Variants in PPARGC1A observed in about 807,000 individuals in gnomAD.
PPARGC1A encodes the protein PPARG coactivator 1 alpha.
Under a neutral mutation model 88.7 loss-of-function variants are expected in PPARGC1A, and 25 were observed. The observed-to-expected ratio is 0.28, with a 90% confidence interval of 0.21 to 0.39. The LOEUF is 0.39. Ranked by LOEUF, PPARGC1A falls within the 10% of genes least tolerant of loss-of-function variation. PPARGC1A has a pLI of 1.00. For synonymous variants in PPARGC1A, 363 were observed against 355.6 expected (o/e 1.02, Z -0.24); for missense variants, 880 against 968.7 (o/e 0.91, Z 1.22).
intron 2 of PPARGC1A, among the ~76,000 whole-genome samples, chr4:23,874,586 G>A (rs920561715): frequency 2.6e-5 from 4 of 151,942 alleles, no homozygotes; most frequent in Non-Finnish European, 4.4e-5. Flanking sequence ...ATGAGAGAGT[G>A]TATATGCACA....
chr4:24,143,168 G>A, the PPARGC1A span, among the ~76,000 whole-genome samples: 3 of 152,320 alleles, frequency 2.0e-5, no homozygotes, highest in South Asian at 6.2e-4. Context: ...ATGAAGATTA[G>A]GAGTGATGTT....
intron 12 of PPARGC1A, among the ~76,000 whole-genome samples, chr4:23,797,938 C>T (rs1204085261): frequency 6.6e-6 from 1 of 151,992 alleles, no homozygotes; most frequent in Non-Finnish European, 1.5e-5. Context: ...TAACTGATGA[C>T]ATTCCACAAC....
the PPARGC1A span, among the ~76,000 whole-genome samples, chr4:24,199,971 T>C: frequency 3.2e-3 from 480 of 152,128 alleles, 1 homozygote; most frequent in African/African-American, 0.011. Flanking sequence ...AACCTACATA[T>C]GCACCAACAC....
chr4:24,282,421 T>A, the PPARGC1A span, among the ~76,000 whole-genome samples: 1 of 152,212 alleles, frequency 6.6e-6, no homozygotes, highest in Non-Finnish European at 1.5e-5. Context: ...GTGGTTTTTG[T>A]TGCCCCCAAA....
At chr4:24,412,463 G>A in the PPARGC1A span, among the ~76,000 whole-genome samples, 2 of 152,068 alleles carry the variant, frequency 1.3e-5, no homozygotes, top group African/African-American at 2.4e-5. Flanking sequence ...TCCATTGTTG[G>A]TAAATAAAAT....
At chr4:24,394,340 G>C in the PPARGC1A span, among the ~76,000 whole-genome samples, 1,130 of 152,262 alleles carry the variant, frequency 7.4e-3, 9 homozygotes, top group Non-Finnish European at 0.01. Context: ...GCTGAGAGAA[G>C]GATACAAGGA....
At chr4:24,369,957 G>A in the PPARGC1A span, among the ~76,000 whole-genome samples, 5 of 152,206 alleles carry the variant, frequency 3.3e-5, no homozygotes, top group Admixed American at 6.5e-5. Context: ...TAAGCAATGT[G>A]CTATCTCCTT....
At chr4:23,910,276 ACCC>A in the PPARGC1A span, among the ~76,000 whole-genome samples, 63 of 67,006 alleles carry the variant, frequency 9.4e-4, no homozygotes, top group Non-Finnish European at 1.7e-3. Flanking sequence ...ATATATATTA[ACCC>A]TATATATTAT....
chr4:24,242,724 C>T, the PPARGC1A span, among the ~76,000 whole-genome samples: 1 of 152,156 alleles, frequency 6.6e-6, no homozygotes, highest in Non-Finnish European at 1.5e-5. Flanking sequence ...CCCTGAAACC[C>T]TGCTGAGTTC....
At chr4:24,427,620 T>C in the PPARGC1A span, among the ~76,000 whole-genome samples, 1 of 152,172 alleles carries the variant, frequency 6.6e-6, no homozygotes, top group South Asian at 2.1e-4. Flanking sequence ...GCCTCACAGC[T>C]GCAGCGTGCC....
At chr4:24,392,681 G>A in the PPARGC1A span, among the ~76,000 whole-genome samples, 1 of 152,060 alleles carries the variant, frequency 6.6e-6, no homozygotes, top group Non-Finnish European at 1.5e-5. Flanking sequence ...ATGGTGTAGT[G>A]GTACCAGATC....
chr4:24,427,284 T>TTA, the PPARGC1A span, among the ~76,000 whole-genome samples: 7 of 113,798 alleles, frequency 6.2e-5, no homozygotes, highest in African/African-American at 3.2e-4. Flanking sequence ...CTTTATTTAT[T>TTA]TTTTTTTTTT....
chr4:23,880,915 A>C (rs535415749), intron 2 of PPARGC1A: 1 of 152,184 alleles, frequency 6.6e-6, no homozygotes, highest in Non-Finnish European at 1.5e-5. Context: ...ACGAACCCCA[A>C]GTAGCTTCAT....
chr4:24,060,950 G>T, the PPARGC1A span, among the ~76,000 whole-genome samples: 2 of 151,678 alleles, frequency 1.3e-5, no homozygotes, highest in East Asian at 1.9e-4. Context: ...GAACATAAAG[G>T]CACCCACCAC....
chr4:23,869,797 T>C (rs1046786583), intron 2 of PPARGC1A, among the ~76,000 whole-genome samples: 1 of 152,100 alleles, frequency 6.6e-6, no homozygotes, highest in Non-Finnish European at 1.5e-5. Context: ...GTAGGATAAA[T>C]ACGGAAAGCC....
the PPARGC1A span, among the ~76,000 whole-genome samples, chr4:24,194,614 G>A: frequency 7.2e-3 from 987 of 137,610 alleles, 17 homozygotes; most frequent in African/African-American, 0.031. Flanking sequence ...TGGCACACAC[G>A]CGCGCGCACG....
At chr4:24,462,465 C>T in the PPARGC1A span, among the ~76,000 whole-genome samples, 1 of 152,078 alleles carries the variant, frequency 6.6e-6, no homozygotes, top group Admixed American at 6.6e-5. Flanking sequence ...TGAATGCAGC[C>T]TAACAGGATA....
intron 1 of PPARGC1A, among the ~76,000 whole-genome samples, chr4:23,885,748 A>AT (rs1716768398): frequency 6.6e-6 from 1 of 152,168 alleles, no homozygotes; most frequent in Non-Finnish European, 1.5e-5. Flanking sequence ...CCATCACTAT[A>AT]TTTTGTTCAT....
the PPARGC1A span, among the ~76,000 whole-genome samples, chr4:24,046,943 T>C: frequency 6.6e-6 from 1 of 152,164 alleles, no homozygotes; most frequent in Non-Finnish European, 1.5e-5. Context: ...TATTGAAGAC[T>C]ACCTGCTACA....
Sources: allele counts gnomAD v4.1 joint callset (sites outside exome capture counted in the v4.1 genomes callset), GRCh38; gene constraint gnomAD v4.1.1; transcripts MANE v1.5; gene names NCBI Gene and HGNC (gene_info 2026-07-23, HGNC 2026-07-21).